Variants in PTPRQ observed in about 807,000 individuals in gnomAD.
The protein encoded by PTPRQ is phosphatidylinositol phosphatase PTPRQ.
PTPRQ carries 199 observed loss-of-function variants against 246.0 expected under a neutral mutation model. The observed-to-expected ratio is 0.81, with a 90% CI of 0.72 to 0.91. The LOEUF is 0.91. Ranked by LOEUF, PTPRQ falls within the 40% of genes least tolerant of loss-of-function variation. The pLI, the probability that PTPRQ is intolerant of heterozygous loss-of-function variation, is 0.00. For missense variants in PTPRQ, 2,624 were observed against 2,528.4 expected, an observed-to-expected ratio of 1.04 and a Z score of -0.81; for synonymous variants, 869 against 853.2, an observed-to-expected ratio of 1.02 and a Z score of -0.32.
rs1273643153 is a variant in PTPRQ, at chr12:80,457,648, A to G, written c.460+4A>G. 2.5e-6 allele frequency: 1 copy of G among 400,020 alleles called. No individual in the cohort carries two copies. The highest frequency in any genetic ancestry group is 4.4e-6 in the Non-Finnish European group (1 of 225,852). The allele number at this position is 400,020 out of a possible 1,614,324, so 24.8% of individuals were successfully genotyped here. On this transcript the variant is annotated splice_donor_region_variant and intron_variant, in intron 4 of 44. Coordinates refer to ENST00000644991, the MANE Select transcript of PTPRQ (RefSeq NM_001145026.2). ...CTCTTCCAAACTGCAGAAAGTGGTA[A>G]TTTTCCTGTCATTTATTTTAAATTG... is the stretch of plus-strand genomic sequence containing the variant.
intron 17 of PTPRQ, among the ~76,000 whole-genome samples, chr12:80,523,106 C>T (rs905333065): frequency 6.6e-6 from 1 of 152,038 alleles, no homozygotes; most frequent in African/African-American, 2.4e-5. Context: ...GTGTATGTGT[C>T]GAGGAATTTA....
chr12:80,558,119 C>CTTTCTTTTCTTCTCTTTTCTTTTCT (rs1555198000), intron 25 of PTPRQ, among the ~76,000 whole-genome samples: 2 of 95,680 alleles, frequency 2.1e-5, no homozygotes, highest in East Asian at 5.8e-4. Context: ...TCTTTTCTTT[C>CTTTCTTTTCTTCTCTTTTCTTTTCT]TTTCTTTTCT....
chr12:80,483,211 T>A (rs1463589501), intron 8 of PTPRQ, among the ~76,000 whole-genome samples: 2 of 126,584 alleles, frequency 1.6e-5, no homozygotes, highest in Non-Finnish European at 3.4e-5. Context: ...AAATGATGAG[T>A]TCATGTCCTT....
At chr12:80,656,312 T>G (rs1394660517) in intron 38 of PTPRQ, among the ~76,000 whole-genome samples, 2 of 152,170 alleles carry the variant, frequency 1.3e-5, no homozygotes, top group African/African-American at 4.8e-5. Context: ...TTATAAGCTT[T>G]CATGTAAATT....
intron 25 of PTPRQ, among the ~76,000 whole-genome samples, chr12:80,570,444 T>C (rs1897112938): frequency 6.6e-6 from 1 of 152,194 alleles, no homozygotes; most frequent in African/African-American, 2.4e-5. Flanking sequence ...TTTTTTTTCT[T>C]GTAAATTTGT....
At chr12:80,462,815 T>C (rs1389238415) in intron 6 of PTPRQ, 1 of 143,060 alleles carries the variant, frequency 7.0e-6, no homozygotes, top group Non-Finnish European at 1.5e-5. Flanking sequence ...TCCTGTCTGT[T>C]AGGAGGAAAA....
intron 9 of PTPRQ, among the ~76,000 whole-genome samples, chr12:80,489,166 G>A (rs1315643633): frequency 6.6e-6 from 1 of 152,012 alleles, no homozygotes; most frequent in African/African-American, 2.4e-5. Context: ...AAACTACGGT[G>A]TTCTTTACTT....
In PTPRQ at chr12:80,500,046, C is replaced by A. The variant is rs369992931; in HGVS notation, c.2272+3515C>A. Among the ~76,000 whole-genome samples, 5 of 151,876 alleles carry A rather than the reference C, an allele frequency of 3.3e-5. No individual in the cohort carries two copies. In the East Asian group the frequency reaches 9.7e-4, roughly 29 times the overall value. On this transcript the variant is annotated intron_variant, in intron 14 of 44. Transcript: ENST00000644991. ...GAGTGGATAATAACTTAGATGTTGA[C>A]CAAAATTTTGTGTAGACCCCCATAA...
intron 6 of PTPRQ, among the ~76,000 whole-genome samples, chr12:80,463,446 G>A (rs972096705): frequency 6.6e-6 from 1 of 152,204 alleles, no homozygotes; most frequent in Non-Finnish European, 1.5e-5. Flanking sequence ...ACACTCTGCA[G>A]GATGTTATCC....
In PTPRQ at chr12:80,468,732, C is replaced by T. The variant is rs1443928817; in HGVS notation, c.933C>T (p.Asn311=). The T allele has an allele frequency of 2.6e-6, 4 of 1,547,290 alleles. No homozygotes were observed. In the South Asian group the frequency reaches 3.6e-5, roughly 14 times the overall value. Residue 311 remains asparagine, a synonymous_variant, in exon 7 of 45, where the codon AAC becomes AAT. Coordinates refer to ENST00000644991, the MANE Select transcript of PTPRQ (RefSeq NM_001145026.2). ...PESVPEGPPQ[N]CVTGNITGKS... ...TAGTGCCTGAAGGACCACCACAAAA[C>T]TGCGTAACAGGCAACATCACAGGAA...
chr12:80,580,841 A>T (rs1436559366), intron 25 of PTPRQ, among the ~76,000 whole-genome samples: 13 of 152,194 alleles, frequency 8.5e-5, no homozygotes, highest in African/African-American at 4.8e-5. Flanking sequence ...TGCCTGTCAC[A>T]TAATAGGAGG....
At chr12:80,595,784 C>G (rs1239324193) in intron 26 of PTPRQ, among the ~76,000 whole-genome samples, 2 of 144,542 alleles carry the variant, frequency 1.4e-5, no homozygotes, top group Non-Finnish European at 3.0e-5. Flanking sequence ...TCGCATTGTT[C>G]AATTCCTACC....
intron 3 of PTPRQ, chr12:80,454,583 A>G (rs1565714777): frequency 1.4e-6 from 1 of 702,022 alleles, no homozygotes; most frequent in Non-Finnish European, 2.6e-6. Flanking sequence ...TTCTCCGTTT[A>G]GGATTATGTT....
intron 33 of PTPRQ, among the ~76,000 whole-genome samples, chr12:80,626,886 T>G (rs889268757): frequency 6.6e-6 from 1 of 152,176 alleles, no homozygotes; most frequent in Non-Finnish European, 1.5e-5. Flanking sequence ...GATAAGCATG[T>G]GTTGCTTTTG....
At chr12:80,539,668 T>G in intron 19 of PTPRQ, 108 bp from the exon 20 acceptor site, 1 of 942,286 alleles carries the variant, frequency 1.1e-6, no homozygotes, top group Non-Finnish European at 1.5e-6. Flanking sequence ...AAACAACATA[T>G]TAAAATAATG....
At chr12:80,449,207 C>A (rs1892659879) in intron 3 of PTPRQ, among the ~76,000 whole-genome samples, 1 of 151,446 alleles carries the variant, frequency 6.6e-6, no homozygotes, top group African/African-American at 2.4e-5. Context: ...CCTTCACCCA[C>A]TTTTTGATGG....
chr12:80,570,362 T>C (rs558942326), intron 25 of PTPRQ, among the ~76,000 whole-genome samples: 1 of 152,236 alleles, frequency 6.6e-6, no homozygotes, highest in Non-Finnish European at 1.5e-5. Flanking sequence ...ATATTTTTGT[T>C]GGCTCCATAA....
At chr12:80,499,991 A>C (rs61951976) in intron 14 of PTPRQ, among the ~76,000 whole-genome samples, 48,712 of 151,812 alleles carry the variant, frequency 0.32, 9,081 homozygotes, top group African/African-American at 0.51. Flanking sequence ...CTTTAACAAA[A>C]CACCTTGTCT....
intron 16 of PTPRQ, among the ~76,000 whole-genome samples, chr12:80,507,174 C>G (rs370222904): frequency 1.3e-5 from 2 of 151,544 alleles, no homozygotes; most frequent in Non-Finnish European, 2.9e-5. Context: ...AGCTTTCATA[C>G]TGAATATTTA....
Sources: allele counts gnomAD v4.1 joint callset (sites outside exome capture counted in the v4.1 genomes callset), GRCh38; gene constraint gnomAD v4.1.1; transcripts MANE v1.5; gene names NCBI Gene and HGNC (gene_info 2026-07-23, HGNC 2026-07-21).